E2F2: variants seen among roughly 807,000 people sequenced by gnomAD.
E2F2 encodes the protein E2F transcription factor 2.
Under a neutral mutation model 42.2 loss-of-function variants are expected in E2F2, and 22 were observed. The observed-to-expected ratio is 0.52, with a 90% confidence interval of 0.37 to 0.74. The LOEUF is 0.74. Among genes scored for constraint, E2F2 ranks in the 30% least tolerant of loss-of-function variants. The pLI is 0.00. For missense variants in E2F2, 481 were observed against 557.8 expected, an observed-to-expected ratio of 0.86 and a Z score of 1.39; for synonymous variants, 248 against 251.6, an observed-to-expected ratio of 0.99 and a Z score of 0.13.
In E2F2 at chr1:23,524,422, C is replaced by G; in HGVS notation, c.319G>C (p.Gly107Arg). Residue 107 changes from glycine (G) to arginine (R), a missense_variant, in exon 2 of 7, where the codon GGG becomes CGG. Coordinates refer to ENST00000361729, the MANE Select transcript of E2F2 (RefSeq NM_004091.4). ...PVVPEFPTPK[G>R]KCIRVDGLPS... is the part of the protein sequence containing the mutation. ...AGGCCATCCACTCTGATGCACTTCCCCTTGGGGGTTGGGAACTCAGGGACG... is the reference window on the plus strand; with the variant it reads ...AGGCCATCCACTCTGATGCACTTCCGCTTGGGGGTTGGGAACTCAGGGACG... The G allele has an allele frequency of 6.2e-7, 1 of 1,613,932 alleles. No individual in the cohort carries two copies. The highest frequency in any genetic ancestry group is 8.5e-7 in the Non-Finnish European group (1 of 1,179,920).
chr1:23,527,025 C>A (rs1245541708), intron 1 of E2F2, among the ~76,000 whole-genome samples: 1 of 152,220 alleles, frequency 6.6e-6, no homozygotes, highest in East Asian at 1.9e-4. Flanking sequence ...GCTGAACCTG[C>A]AGAACACAGG....
At chr1:23,522,943 C>G (rs1351196432) in intron 2 of E2F2, among the ~76,000 whole-genome samples, 1 of 152,172 alleles carries the variant, frequency 6.6e-6, no homozygotes, top group Non-Finnish European at 1.5e-5. Flanking sequence ...TCCTTCAAGA[C>G]AGTGCTCTGG....
At chr1:23,510,941 G>A (rs1392550277) in intron 6 of E2F2, among the ~76,000 whole-genome samples, 3 of 152,132 alleles carry the variant, frequency 2.0e-5, no homozygotes, top group Admixed American at 6.6e-5. Flanking sequence ...TTTTTGTTAT[G>A]TTGCCTCTAC....
In E2F2 at chr1:23,530,732, G is replaced by A. The variant is rs745820265; in HGVS notation, c.62C>T (p.Ala21Val). The change falls in exon 1 of 7, where the codon GCG becomes GTG. Residue 21 changes from alanine (A) to valine (V), a missense_variant. Coordinates refer to ENST00000361729, the MANE Select transcript of E2F2 (RefSeq NM_004091.4). The surrounding 1 kb of genome is among the most constrained non-coding windows in gnomAD (Gnocchi z 4.4). ...AAGQTPKVVPAMSPTELWPSG... is the reference protein window; with the variant it reads ...AAGQTPKVVPVMSPTELWPSG... ...TGGCCACAGCTCTGTGGGGCTCATC[G>A]CGGGCACCACCTTCGGGGTCTGCCC... 10 of 1,600,030 alleles carry A rather than the reference G, an allele frequency of 6.2e-6. No homozygotes were observed. In the South Asian group the frequency reaches 8.9e-5, roughly 14 times the overall value.
rs1642855881 is a variant in E2F2, at chr1:23,509,051, A to C, written c.*829T>G. ...AGCTTGTCTCTGCTGGACCATTTTTACATCTCAAGGGGAGAGGTAAGGACT... is the reference window on the plus strand; with the variant it reads ...AGCTTGTCTCTGCTGGACCATTTTTCCATCTCAAGGGGAGAGGTAAGGACT... On this transcript the variant is annotated 3_prime_UTR_variant, in exon 7 of 7. Transcript: ENST00000361729. The C allele has an allele frequency of 6.6e-6, 1 of 152,114 alleles. No individual in the cohort carries two copies. The highest frequency in any genetic ancestry group is 2.4e-5 in the African/African-American group (1 of 41,398). The allele number at this position is 152,114 out of a possible 1,614,324, so 9.4% of individuals were successfully genotyped here. A position where few individuals can be genotyped will look rare whatever the true frequency, so the allele number is the denominator to read the frequency against.
chr1:23,520,171 AGGAGGT>A (rs1304764981), intron 4 of E2F2, among the ~76,000 whole-genome samples: 1 of 142,672 alleles, frequency 7.0e-6, no homozygotes, highest in Non-Finnish European at 1.5e-5. Context: ...ACTAGAACCC[AGGAGGT>A]GGAGGTTGCA....
rs1642868546 is a variant in E2F2 at position 23,509,674 on chromosome 1, G to C, written c.*206C>G. 1 of 985,728 alleles carries C rather than the reference G, an allele frequency of 1.0e-6. No individual in the cohort carries two copies. Among genetic ancestry groups the C allele is most frequent in the Non-Finnish European group, 1.3e-6 (1 of 751,692 alleles). The allele number at this position is 985,728 out of a possible 1,614,324, so 61.1% of individuals were successfully genotyped here. A position where few individuals can be genotyped will look rare whatever the true frequency, so the allele number is the denominator to read the frequency against. On this transcript the variant is annotated 3_prime_UTR_variant, in exon 7 of 7. Coordinates refer to ENST00000361729, the MANE Select transcript of E2F2 (RefSeq NM_004091.4). ...CCTAGGCCCAGCTTCCATTAGGAAGGTGAGGACCACCCCTTATCCACTCCT... is the reference window on the plus strand; with the variant it reads ...CCTAGGCCCAGCTTCCATTAGGAAGCTGAGGACCACCCCTTATCCACTCCT...
At chr1:23,512,711 G>A (rs961906153) in intron 6 of E2F2, among the ~76,000 whole-genome samples, 5 of 151,982 alleles carry the variant, frequency 3.3e-5, no homozygotes, top group Non-Finnish European at 7.4e-5. Flanking sequence ...AAATAGAATC[G>A]CCTTTTGTAA....
intron 4 of E2F2, among the ~76,000 whole-genome samples, chr1:23,520,243 CAA>C (rs66460864): frequency 2.2e-3 from 175 of 78,746 alleles, no homozygotes; most frequent in African/African-American, 0.01. Flanking sequence ...GACTCTGTCT[CAA>C]AAAAAAAAAA....
chr1:23,520,854 G>C, intron 4 of E2F2, 59 bp downstream of exon 4: 1 of 1,471,724 alleles, frequency 6.8e-7, no homozygotes, highest in Non-Finnish European at 9.0e-7. Flanking sequence ...ACTCAGGATA[G>C]ATATAAACAT....
Position 23,530,492 on chromosome 1 carries a change from C to G in E2F2, c.252+50G>C, listed in dbSNP as rs767222727. 16 of 1,598,898 alleles carry G rather than the reference C, an allele frequency of 1.0e-5. No individual in the cohort carries two copies. The highest frequency in any genetic ancestry group is 1.4e-5 in the Non-Finnish European group (16 of 1,173,250). On this transcript the variant is annotated intron_variant, in intron 1 of 6. Transcript: ENST00000361729. This position sits in a 1 kb window ranked among gnomAD's most constrained non-coding sequence, Gnocchi z 4.4. ...GATCTCAGGCACCCCTCCCTCCTTTCCCACACCTGGAAAAGCATAGGGGGA... is the reference window on the plus strand; with the variant it reads ...GATCTCAGGCACCCCTCCCTCCTTTGCCACACCTGGAAAAGCATAGGGGGA...
chr1:23,523,214 A>C (rs1245224427), intron 2 of E2F2, among the ~76,000 whole-genome samples: 1 of 149,846 alleles, frequency 6.7e-6, no homozygotes, highest in African/African-American at 2.5e-5. Context: ...AGTGGAGTGC[A>C]GTGGTGCGAT....
Position 23,521,992 on chromosome 1 carries a change from G to A in E2F2, c.423C>T (p.Phe141=). The A allele has an allele frequency of 6.2e-7, 1 of 1,614,194 alleles. No homozygotes were observed. Residue 141 remains phenylalanine (F), a synonymous_variant, in exon 3 of 7, where the codon TTC becomes TTT. Transcript: ENST00000361729. The part of the protein sequence containing the change: ...DTSLGLLTKK[F]IYLLSESEDG... The stretch of plus-strand genomic sequence containing the variant: ...CCTCTGACTCGCTCAGGAGGTAAAT[G>A]AACTTCTTGGTGAGCAGCCCCAGCG...
intron 1 of E2F2, 22 bp from the exon 2 acceptor site, chr1:23,524,510 G>C: frequency 6.2e-7 from 1 of 1,607,962 alleles, no homozygotes; most frequent in South Asian, 1.1e-5. Context: ...GGGGGAGAGA[G>C]AGGCAGAGTT....
At position 23,519,008 on chromosome 1, in the gene E2F2, C is replaced by T; in HGVS notation, c.852+8G>A. The T allele has an allele frequency of 6.2e-7, 1 of 1,611,626 alleles. No homozygotes were observed. Among genetic ancestry groups the T allele is most frequent in the Admixed American group, 1.7e-5 (1 of 59,890 alleles). ...ACCCTGCTCTCCACCAAATATTTCC[C>T]CTCTCACCTCAGTCCTGTCGGGCAC... On this transcript the variant is annotated splice_region_variant and intron_variant, in intron 5 of 6. Coordinates refer to ENST00000361729, the MANE Select transcript of E2F2 (RefSeq NM_004091.4).
In E2F2 at chr1:23,509,897, C is replaced by G. The variant is rs763598357; in HGVS notation, c.1297G>C (p.Asp433His). The stretch of plus-strand genomic sequence containing the variant: ...AGGGCCACTCAATTAATCAACAGGT[C>G]CCCAAGGTCGTAGGAGTCGAAGAGA... ...SDLFDSYDLG[D>H]LLIN Residue 433 changes from aspartate to histidine, a missense_variant, in exon 7 of 7, where the codon GAC (aspartate) becomes CAC (histidine). Transcript: ENST00000361729. The G allele has an allele frequency of 6.4e-7, 1 of 1,555,322 alleles. No homozygotes were observed. Among genetic ancestry groups the G allele is most frequent in the Non-Finnish European group, 8.7e-7 (1 of 1,147,206 alleles).
In E2F2 at chr1:23,507,981, A is replaced by ACTGTGGTGAGACCTCAGAC. The variant is rs1553182276; in HGVS notation, c.*1898_*1899insGTCTGAGGTCTCACCACAG. The stretch of plus-strand genomic sequence containing the variant: ...CCCAGTGGAGACCTCAGAGCAGCCC[A>ACTGTGGTGAGACCTCAGAC]CTCACCACAAACGAGATCCTACACA... On this transcript the variant is annotated 3_prime_UTR_variant, in exon 7 of 7. Transcript: ENST00000361729. 1.3e-5 allele frequency: 2 copies of ACTGTGGTGAGACCTCAGAC among 152,068 alleles called. No homozygotes were observed. Among genetic ancestry groups the ACTGTGGTGAGACCTCAGAC allele is most frequent in the Non-Finnish European group, 2.9e-5 (2 of 68,004 alleles). 9.4% of individuals were successfully genotyped at this position (152,068 alleles called of 1,614,324 possible). A position where few individuals can be genotyped will look rare whatever the true frequency, so the allele number is the denominator to read the frequency against.
chr1:23,530,795 G>A lies in E2F2; in HGVS notation c.-2C>T, dbSNP rs540577990. On this transcript the variant is annotated 5_prime_UTR_variant, in exon 1 of 7. Transcript: ENST00000361729. The surrounding 1 kb of genome is among the most constrained non-coding windows in gnomAD (Gnocchi z 4.4). ...CAAGGCCCGGGGCCCTTGCAGCATA[G>A]CGAGTAAGGCGCCCCCTACCCAAAA... is the stretch of plus-strand genomic sequence containing the variant. 1.2e-5 allele frequency: 18 copies of A among 1,511,570 alleles called. No individual in the cohort carries two copies. In the African/African-American group the frequency reaches 2.4e-4, roughly 20 times the overall value. The allele number at this position is 1,511,570 out of a possible 1,614,324, so 93.6% of individuals were successfully genotyped here.
chr1:23,516,451 G>A lies in E2F2; in HGVS notation c.929C>T (p.Pro310Leu), dbSNP rs116576730. 5.2e-4 allele frequency: 830 copies of A among 1,609,720 alleles called. 3 individuals are homozygous for A. The African/African-American group carries it at 9.4e-3, about 18-fold the overall frequency. ...GAGAGGCTCCTCGGAAGGACTGTCC[G>A]GCTCCTGCACCTCCTCTGGGCACAG... ...VYLCPEEVQE[P>L]DSPSEEPLPS... Residue 310 changes from proline (P) to leucine (L), a missense_variant, in exon 6 of 7, where the codon CCG (proline) becomes CTG (leucine). Transcript: ENST00000361729.
Sources: gnomAD v4.1 joint callset for allele counts (sites outside exome capture counted in the v4.1 genomes callset) on GRCh38, gnomAD v4.1.1 for gene constraint, Gnocchi (gnomAD v3.1) non-coding constraint, MANE v1.5 for transcripts, NCBI Gene and HGNC (gene_info 2026-07-23, HGNC 2026-07-21) for gene names.